UBE2QL1: variants seen among roughly 807,000 people sequenced by gnomAD.
UBE2QL1 encodes the protein ubiquitin conjugating enzyme E2 QL1.
A neutral mutation model predicts 12.6 loss-of-function variants in UBE2QL1; 5 were observed. The observed-to-expected ratio is 0.40, with a 90% CI of 0.21 to 0.83. The LOEUF (loss-of-function observed/expected upper bound fraction) is 0.83, where lower values mean the gene tolerates loss of function less well. UBE2QL1 is among the 40% of genes least tolerant of loss of function. The probability of loss-of-function intolerance (pLI) is 0.37; values close to 1 mark genes in which losing one functional copy is unlikely to be tolerated. For missense variants in UBE2QL1, 99 were observed against 222.6 expected (o/e 0.44, Z 3.53); for synonymous variants, 96 against 94.5 (o/e 1.02, Z -0.10).
At chr5:6,465,339 C>T (rs1739762536) in intron 1 of UBE2QL1, among the ~76,000 whole-genome samples, 1 of 152,138 alleles carries the variant, frequency 6.6e-6, no homozygotes, top group South Asian at 2.1e-4. Flanking sequence ...TTTAGAATTA[C>T]ATAATTAAGC....
intron 1 of UBE2QL1, among the ~76,000 whole-genome samples, chr5:6,486,411 C>G (rs888939410): frequency 6.6e-6 from 1 of 152,116 alleles, no homozygotes; most frequent in Non-Finnish European, 1.5e-5. Context: ...CATTTCACAC[C>G]TTCAATTTGG....
chr5:6,449,164 C>A lies in UBE2QL1; in HGVS notation c.271C>A (p.Leu91Met). 1 of 1,531,208 alleles carries A rather than the reference C, an allele frequency of 6.5e-7. No individual in the cohort carries two copies. Among genetic ancestry groups the A allele is most frequent in the Non-Finnish European group, 8.8e-7 (1 of 1,136,094 alleles). The allele number at this position is 1,531,208 out of a possible 1,614,324, so 94.9% of individuals were successfully genotyped here. A position where few individuals can be genotyped will look rare whatever the true frequency, so the allele number is the denominator to read the frequency against. Residue 91 changes from leucine to methionine, a missense_variant, in exon 1 of 2, where the codon CTG becomes ATG. Transcript: ENST00000399816. The part of the protein sequence containing the change: ...VLDGGAICME[L>M]LTPRGWSSAY... ...GGACGGCGGCGCCATCTGCATGGAG[C>A]TGCTCACGCCGCGCGGCTGGTCCAG... is the stretch of plus-strand genomic sequence containing the variant.
intron 1 of UBE2QL1, among the ~76,000 whole-genome samples, chr5:6,486,518 AC>A (rs1734470933): frequency 6.6e-6 from 1 of 152,216 alleles, no homozygotes; most frequent in African/African-American, 2.4e-5. Context: ...CTTTCTGAAC[AC>A]ACAAATCACT....
intron 1 of UBE2QL1, among the ~76,000 whole-genome samples, chr5:6,470,391 A>G (rs1473024038): frequency 1.3e-5 from 2 of 151,976 alleles, no homozygotes; most frequent in Admixed American, 1.3e-4. Flanking sequence ...AACCTGTAAA[A>G]CTCTTAAGAA....
At chr5:6,459,942 G>T (rs528511763) in intron 1 of UBE2QL1, among the ~76,000 whole-genome samples, 195 of 152,246 alleles carry the variant, frequency 1.3e-3, no homozygotes, top group African/African-American at 4.5e-3. Flanking sequence ...AGGAGTGCAT[G>T]GGCCCCAGGT....
At chr5:6,456,999 C>A (rs1358661546) in intron 1 of UBE2QL1, among the ~76,000 whole-genome samples, 1 of 151,752 alleles carries the variant, frequency 6.6e-6, no homozygotes, top group Non-Finnish European at 1.5e-5. Context: ...TCGTGGGTGC[C>A]TGTCCTCTGC....
In UBE2QL1 at chr5:6,493,236, C is replaced by T. The variant is rs1355601145; in HGVS notation, c.*1887C>T. 3.9e-5 allele frequency: 6 copies of T among 152,182 alleles called. No individual in the cohort carries two copies. Among genetic ancestry groups the T allele is most frequent in the South Asian group, 2.1e-4 (1 of 4,828 alleles). 9.4% of individuals were successfully genotyped at this position (152,182 alleles called of 1,614,324 possible). ...TCCTGGAAACCTGACATTTGGCTGACGGTCTTTGGACCCTGGAGCTAGTGG... is the reference window on the plus strand; with the variant it reads ...TCCTGGAAACCTGACATTTGGCTGATGGTCTTTGGACCCTGGAGCTAGTGG... On this transcript the variant is annotated 3_prime_UTR_variant, in exon 2 of 2. Transcript: ENST00000399816.
At position 6,495,081 on chromosome 5, in the gene UBE2QL1, G is replaced by C. The variant is rs1734643111; in HGVS notation, c.*3732G>C. ...CTGGGCAAAGGGAAGGAGAAGGGCA[G>C]GTGTAGCAGGTGTAGAAATGGGAGG... On this transcript the variant is annotated 3_prime_UTR_variant, in exon 2 of 2. Transcript: ENST00000399816. Among the ~76,000 whole-genome samples, 1 of 152,174 alleles carries C rather than the reference G, an allele frequency of 6.6e-6. No individual in the cohort carries two copies. The highest frequency in any genetic ancestry group is 1.5e-5 in the Non-Finnish European group (1 of 68,042).
chr5:6,451,989 G>A (rs1175101208), intron 1 of UBE2QL1, among the ~76,000 whole-genome samples: 1 of 152,122 alleles, frequency 6.6e-6, no homozygotes, highest in Non-Finnish European at 1.5e-5. Flanking sequence ...TTATATTCTA[G>A]TTATGTTCTG....
intron 1 of UBE2QL1, among the ~76,000 whole-genome samples, chr5:6,465,445 G>C (rs1368917895): frequency 6.6e-6 from 1 of 152,230 alleles, no homozygotes; most frequent in Non-Finnish European, 1.5e-5. Context: ...TAATGAGGCT[G>C]AGTCTAAATA....
At chr5:6,466,099 G>C (rs1739784803) in intron 1 of UBE2QL1, among the ~76,000 whole-genome samples, 2 of 151,866 alleles carry the variant, frequency 1.3e-5, no homozygotes, top group Admixed American at 1.3e-4. Context: ...GTGCGGGGAG[G>C]CATGGAGAGG....
intron 1 of UBE2QL1, among the ~76,000 whole-genome samples, chr5:6,472,533 G>A (rs1221608170): frequency 6.6e-6 from 1 of 152,068 alleles, no homozygotes; most frequent in Admixed American, 6.5e-5. Flanking sequence ...CTGATGACTG[G>A]GATCTGGACA....
chr5:6,463,447 T>G (rs147469424), intron 1 of UBE2QL1, among the ~76,000 whole-genome samples: 143 of 151,990 alleles, frequency 9.4e-4, no homozygotes, highest in Middle Eastern at 3.4e-3. Flanking sequence ...AGGAACAGGG[T>G]GGTGGCCTCA....
intron 1 of UBE2QL1, among the ~76,000 whole-genome samples, chr5:6,449,872 C>CCCCT (rs1161595921): frequency 2.8e-5 from 4 of 145,186 alleles, no homozygotes; most frequent in Admixed American, 6.7e-5. Context: ...TCCCCAACCC[C>CCCCT]CCCCACACAC....
chr5:6,475,234 T>C (rs1455611412), intron 1 of UBE2QL1, among the ~76,000 whole-genome samples: 1 of 152,240 alleles, frequency 6.6e-6, no homozygotes, highest in African/African-American at 2.4e-5. Flanking sequence ...CCTAGTTGCT[T>C]ATAGAAAATC....
rs192300442 is a variant in UBE2QL1, at chr5:6,463,729, G to A, written c.354+14482G>A. 8.5e-3 allele frequency among the ~76,000 whole-genome samples: 1,275 copies of A among 150,834 alleles called. 13 individuals carry two copies. The highest frequency in any genetic ancestry group is 0.034 in the Admixed American group (507 of 15,112). On this transcript the variant is annotated intron_variant, in intron 1 of 1. Transcript: ENST00000399816. ...TGCAAGCTCCGCCTCCCGGGTTCAC[G>A]CCGTTCTCCTGCCTCAGCCTCCCGA...
chr5:6,467,640 G>A (rs143854174), intron 1 of UBE2QL1, among the ~76,000 whole-genome samples: 3 of 147,076 alleles, frequency 2.0e-5, no homozygotes, highest in African/African-American at 7.6e-5. Flanking sequence ...CCACAGGAGA[G>A]CCTTGCTTTC....
intron 1 of UBE2QL1, among the ~76,000 whole-genome samples, chr5:6,450,849 G>A (rs1006270804): frequency 3.9e-5 from 6 of 152,216 alleles, no homozygotes; most frequent in Non-Finnish European, 8.8e-5. Flanking sequence ...GGGAGGCTTA[G>A]TGCTTTAATA....
At chr5:6,455,613 C>T (rs576900745) in intron 1 of UBE2QL1, among the ~76,000 whole-genome samples, 1 of 152,264 alleles carries the variant, frequency 6.6e-6, no homozygotes, top group South Asian at 2.1e-4. Context: ...CTCAAAGACT[C>T]AGACTTTGTG....
Sources: allele counts gnomAD v4.1 joint callset (sites outside exome capture counted in the v4.1 genomes callset), GRCh38; gene constraint gnomAD v4.1.1; transcripts MANE v1.5; gene names NCBI Gene and HGNC (gene_info 2026-07-23, HGNC 2026-07-21).